The following LEP variants were observed in gnomAD, a reference collection of about 807,000 sequenced individuals.
LEP encodes leptin.
A neutral mutation model predicts 9.8 loss-of-function variants in LEP; 6 were observed. That is an observed-to-expected ratio of 0.61 (90% CI 0.34 to 1.21). The LOEUF (loss-of-function observed/expected upper bound fraction) is 1.21. Ranked by LOEUF, LEP falls within the 50% of genes most tolerant of loss-of-function variation. The pLI, the probability that LEP is intolerant of heterozygous loss-of-function variation, is 0.04. For missense variants in LEP, 134 were observed against 198.1 expected (o/e 0.68, Z 1.94); for synonymous variants, 112 against 81.7 (o/e 1.37, Z -2.00).
chr7:128,251,767 C>T (rs1279386356), intron 1 of LEP, among the ~76,000 whole-genome samples: 1 of 152,156 alleles, frequency 6.6e-6, no homozygotes, highest in Non-Finnish European at 1.5e-5. Flanking sequence ...CTACAGGATA[C>T]CTCATGGTGG....
intron 1 of LEP, among the ~76,000 whole-genome samples, chr7:128,251,275 T>C (rs1303758579): frequency 6.6e-6 from 1 of 152,176 alleles, no homozygotes; most frequent in East Asian, 1.9e-4. Context: ...GTAGAGAGCA[T>C]CTGTTGTTCA....
At chr7:128,254,349 G>A in intron 2 of LEP, 55 bp from the exon 3 acceptor site, 4 of 1,604,130 alleles carry the variant, frequency 2.5e-6, no homozygotes, top group Non-Finnish European at 2.5e-6. Context: ...AGAGGGCTCT[G>A]AGAGCGATTC....
At position 128,257,595 on chromosome 7, in the gene LEP, T is replaced by A. The variant is rs1195220214; in HGVS notation, c.*2832T>A. The A allele has an allele frequency of 2.0e-5, 3 of 151,838 alleles. No homozygotes were observed. The highest frequency in any genetic ancestry group is 7.3e-5 in the African/African-American group (3 of 41,332). The allele number at this position is 151,838 out of a possible 1,614,324, so 9.4% of individuals were successfully genotyped here. On this transcript the variant is annotated 3_prime_UTR_variant, in exon 3 of 3. Coordinates refer to ENST00000308868, the MANE Select transcript of LEP (RefSeq NM_000230.3). ...AAAAAAAAAAAAAAAAGTTTGTTTT[T>A]AAAAAAATCTAAATAAAATAACTTT...
chr7:128,247,497 C>T (rs1362746960), intron 1 of LEP, among the ~76,000 whole-genome samples: 1 of 152,202 alleles, frequency 6.6e-6, no homozygotes, highest in African/African-American at 2.4e-5. Context: ...CTCACTGCCC[C>T]TGCGATTCCA....
intron 1 of LEP, among the ~76,000 whole-genome samples, chr7:128,245,040 A>ATG (rs150818455): frequency 8.6e-5 from 13 of 151,840 alleles, no homozygotes; most frequent in East Asian, 1.9e-4. Flanking sequence ...AGGGTTGTGT[A>ATG]TGTGTGTGTG....
At chr7:128,253,474 A>G (rs1461121991) in intron 2 of LEP, among the ~76,000 whole-genome samples, 1 of 152,164 alleles carries the variant, frequency 6.6e-6, no homozygotes, top group Non-Finnish European at 1.5e-5. Flanking sequence ...TACTGTCTTT[A>G]AGCCTTGTTT....
chr7:128,246,327 A>T (rs189202459), intron 1 of LEP, among the ~76,000 whole-genome samples: 154 of 152,288 alleles, frequency 1.0e-3, no homozygotes, highest in Middle Eastern at 3.4e-3. Flanking sequence ...CCACCTGAGG[A>T]TAAGTAACAG....
intron 1 of LEP, among the ~76,000 whole-genome samples, chr7:128,248,308 T>G (rs1795238337): frequency 6.6e-6 from 1 of 152,144 alleles, no homozygotes; most frequent in South Asian, 2.1e-4. Flanking sequence ...GGCAGGCACC[T>G]GTAATCCCAG....
rs140447473 is a variant in LEP, at chr7:128,252,196, C to A, written c.144+34C>A. On this transcript the variant is annotated intron_variant, in intron 2 of 2. Transcript: ENST00000308868. Reference sequence around the variant, plus strand: ...AGTATGCGGGGACAAAGTAGAACTGCAGCCAGCCCAGCACTGGCTCCTAGT... The same window carrying A: ...AGTATGCGGGGACAAAGTAGAACTGAAGCCAGCCCAGCACTGGCTCCTAGT... 29 of 1,612,134 alleles carry A rather than the reference C, an allele frequency of 1.8e-5. No homozygotes were observed. In the East Asian group the frequency reaches 6.0e-4, roughly 33 times the overall value.
In LEP at chr7:128,252,064, CT is replaced by C; in HGVS notation, c.50del (p.Phe17SerfsTer54). ...CGGATTCTTGTGGCTTTGGCCCTAT[CT>C]TTTCTATGTCCAAGCTGTGCCCATC... ...LCGFLWLWPYLFYVQAVPIQK... is the reference protein window; with the variant it reads ...LCGFLWLWPYXFYVQAVPIQK... On this transcript the variant is annotated frameshift_variant, in exon 2 of 3. Coordinates refer to ENST00000308868, the MANE Select transcript of LEP (RefSeq NM_000230.3). LOFTEE classifies it high-confidence loss of function. 6 of 1,614,190 alleles carry C rather than the reference CT, an allele frequency of 3.7e-6. No individual in the cohort carries two copies. The highest frequency in any genetic ancestry group is 5.1e-6 in the Non-Finnish European group (6 of 1,180,028).
At chr7:128,244,100 G>T (rs56394457) in intron 1 of LEP, among the ~76,000 whole-genome samples, 151,326 of 151,884 alleles carry the variant, frequency 1, 75,387 homozygotes, top group East Asian at 1. Flanking sequence ...AAAAAAAAAA[G>T]TAACTGGATG....
chr7:128,246,232 G>A (rs991679865), intron 1 of LEP, among the ~76,000 whole-genome samples: 3 of 152,126 alleles, frequency 2.0e-5, no homozygotes, highest in African/African-American at 7.2e-5. Flanking sequence ...CAAGTCTAGA[G>A]GCCACCAGCT....
chr7:128,253,794 A>G (rs28954109), intron 2 of LEP, among the ~76,000 whole-genome samples: 1,811 of 152,380 alleles, frequency 0.012, 33 homozygotes, highest in African/African-American at 0.041. Flanking sequence ...TGCACGTGAT[A>G]GATCCCGAGT....
chr7:128,249,458 T>C (rs1795249946), intron 1 of LEP, among the ~76,000 whole-genome samples: 1 of 152,074 alleles, frequency 6.6e-6, no homozygotes, highest in Non-Finnish European at 1.5e-5. Flanking sequence ...GAGCAAGGGA[T>C]GAAAAAGGAA....
At position 128,254,802 on chromosome 7, in the gene LEP, G is replaced by C. The variant is rs950116769; in HGVS notation, c.*39G>C. The C allele has an allele frequency of 8.1e-6, 13 of 1,598,312 alleles. No homozygotes were observed. The highest frequency in any genetic ancestry group is 1.1e-5 in the Non-Finnish European group (13 of 1,178,750). On this transcript the variant is annotated 3_prime_UTR_variant, in exon 3 of 3. Transcript: ENST00000308868. ...ACTCTTCCTGCAAGGACTACGTTAAGGGAAGGAACTCTGGCTTCCAGGTAT... is the reference window on the plus strand; with the variant it reads ...ACTCTTCCTGCAAGGACTACGTTAACGGAAGGAACTCTGGCTTCCAGGTAT...
intron 1 of LEP, among the ~76,000 whole-genome samples, chr7:128,244,367 G>A (rs1278182344): frequency 2.0e-5 from 3 of 151,998 alleles, no homozygotes; most frequent in Admixed American, 6.6e-5. Flanking sequence ...TGTAACCCCT[G>A]TACTCACACC....
At chr7:128,243,385 G>A (rs1177541431) in intron 1 of LEP, among the ~76,000 whole-genome samples, 1 of 152,204 alleles carries the variant, frequency 6.6e-6, no homozygotes, top group Admixed American at 6.5e-5. Flanking sequence ...CCAAGGAAGA[G>A]AAGAGAAACC....
intron 1 of LEP, among the ~76,000 whole-genome samples, chr7:128,246,100 A>T (rs1016206903): frequency 5.3e-5 from 8 of 152,042 alleles, no homozygotes; most frequent in Admixed American, 1.3e-4. Context: ...AAAAATAAAA[A>T]AAATAAAGAG....
chr7:128,242,150 C>T (rs191998411), intron 1 of LEP, among the ~76,000 whole-genome samples: 13 of 152,290 alleles, frequency 8.5e-5, no homozygotes, highest in African/African-American at 3.1e-4. Context: ...GAAAGTGACT[C>T]CTTAAATACA....
Sources: allele counts gnomAD v4.1 joint callset (sites outside exome capture counted in the v4.1 genomes callset), GRCh38; gene constraint gnomAD v4.1.1; transcripts MANE v1.5; gene names NCBI Gene and HGNC (gene_info 2026-07-23, HGNC 2026-07-21).